SLC2A13: variants seen among roughly 807,000 people sequenced by gnomAD.
SLC2A13 encodes the protein solute carrier family 2 member 13, also known as proton myo-inositol cotransporter.
SLC2A13 carries 32 observed loss-of-function variants against 64.4 expected under a neutral mutation model. The observed-to-expected ratio is 0.50, with a 90% CI of 0.37 to 0.67. SLC2A13 has a LOEUF of 0.67. SLC2A13 is among the 30% of genes least tolerant of loss of function. The pLI is 0.00. For missense variants in SLC2A13, 743 were observed against 829.2 expected, an observed-to-expected ratio of 0.90 and a Z score of 1.28; for synonymous variants, 338 against 327.1, an observed-to-expected ratio of 1.03 and a Z score of -0.36.
chr12:39,937,933 AC>A (rs776176997), intron 4 of SLC2A13, among the ~76,000 whole-genome samples: 16 of 152,318 alleles, frequency 1.1e-4, no homozygotes, highest in Admixed American at 3.3e-4. Context: ...TATAACATGT[AC>A]AAGCTAGAAG....
At chr12:39,874,368 C>A (rs1944127573) in intron 4 of SLC2A13, among the ~76,000 whole-genome samples, 1 of 152,084 alleles carries the variant, frequency 6.6e-6, no homozygotes, top group Non-Finnish European at 1.5e-5. Context: ...AATCCCAGCA[C>A]TTTGGGAGGC....
At chr12:39,826,854 ATTTT>A (rs63699664) in intron 7 of SLC2A13, among the ~76,000 whole-genome samples, 7 of 67,414 alleles carry the variant, frequency 1.0e-4, no homozygotes, top group African/African-American at 4.2e-4. Flanking sequence ...GTCTCTTTCA[ATTTT>A]TTTTTTTTTT....
chr12:40,098,411 T>A (rs1339311335), intron 1 of SLC2A13, among the ~76,000 whole-genome samples: 2 of 152,230 alleles, frequency 1.3e-5, no homozygotes, highest in Non-Finnish European at 2.9e-5. Flanking sequence ...TCTAGAGATG[T>A]GTTGTGCAAC....
chr12:39,968,285 A>G (rs551515782), intron 3 of SLC2A13, among the ~76,000 whole-genome samples: 1 of 152,108 alleles, frequency 6.6e-6, no homozygotes, highest in East Asian at 1.9e-4. Context: ...CCCTTATTAA[A>G]CCATCAGATC....
chr12:39,933,087 G>A lies in SLC2A13; in HGVS notation c.1034+18170C>T, dbSNP rs549073227. 1.4e-4 allele frequency among the ~76,000 whole-genome samples: 22 copies of A among 152,232 alleles called. No individual in the cohort carries two copies. In the South Asian group the frequency reaches 4.6e-3, roughly 32 times the overall value. ...CCAAAAAAAATACAAAAATTAGCCA[G>A]TCGTGGGGGCATGTGCCTGTAATCT... On this transcript the variant is annotated intron_variant, in intron 4 of 9. Transcript: ENST00000280871.
At chr12:39,784,951 G>A (rs1469970778) in intron 7 of SLC2A13, among the ~76,000 whole-genome samples, 4 of 152,158 alleles carry the variant, frequency 2.6e-5, no homozygotes, top group East Asian at 1.9e-4. Flanking sequence ...CATTCAAAAA[G>A]TGACTTGGGT....
chr12:39,780,580 C>G (rs912534855), intron 7 of SLC2A13, among the ~76,000 whole-genome samples: 4 of 152,140 alleles, frequency 2.6e-5, no homozygotes, highest in African/African-American at 9.7e-5. Context: ...ATCCATTTGG[C>G]CCCAAAAGCT....
chr12:39,973,767 G>A (rs1386700539), intron 3 of SLC2A13, among the ~76,000 whole-genome samples: 1 of 152,114 alleles, frequency 6.6e-6, no homozygotes, highest in Non-Finnish European at 1.5e-5. Flanking sequence ...AGCACTTACT[G>A]CTATCAGAGG....
At chr12:40,089,570 G>A (rs1345199724) in intron 1 of SLC2A13, among the ~76,000 whole-genome samples, 1 of 152,122 alleles carries the variant, frequency 6.6e-6, no homozygotes, top group East Asian at 1.9e-4. Context: ...ATACAAGGAA[G>A]ACTTCTTCAT....
chr12:40,105,730 G>A lies in SLC2A13; in HGVS notation c.79C>T (p.Gln27Ter). 6.7e-7 allele frequency: 1 copy of A among 1,482,600 alleles called. No individual in the cohort carries two copies. The highest frequency in any genetic ancestry group is 9.0e-7 in the Non-Finnish European group (1 of 1,117,004). The allele number at this position is 1,482,600 out of a possible 1,614,324, so 91.8% of individuals were successfully genotyped here. The change falls in exon 1 of 10, where the codon CAG becomes TAG. Residue 27 changes from glutamine to a stop codon, truncating the protein, a stop_gained. Coordinates refer to ENST00000280871, the MANE Select transcript of SLC2A13 (RefSeq NM_052885.4). LOFTEE classifies it high-confidence loss of function. This position sits in a 1 kb window ranked among gnomAD's most constrained non-coding sequence, Gnocchi z 4.2. ...GCGCTCGCCGCGTCCGGCTCCGGCTGCTTCCTGCGCCGCTCGCCCATCAGG... is the reference window on the plus strand; with the variant it reads ...GCGCTCGCCGCGTCCGGCTCCGGCTACTTCCTGCGCCGCTCGCCCATCAGG... ...SSLMGERRRK[Q>*]PEPDAASAAG...
intron 6 of SLC2A13, among the ~76,000 whole-genome samples, chr12:39,853,192 T>C (rs1032417686): frequency 7.2e-5 from 11 of 152,204 alleles, no homozygotes; most frequent in Non-Finnish European, 1.5e-4. Context: ...GGTGTTGACT[T>C]GCAAGCAACT....
At chr12:39,794,389 T>A (rs1011572366) in intron 7 of SLC2A13, among the ~76,000 whole-genome samples, 4 of 152,204 alleles carry the variant, frequency 2.6e-5, no homozygotes, top group Non-Finnish European at 5.9e-5. Context: ...TATTGTTAAA[T>A]TACATTTGGC....
At chr12:39,812,796 T>C (rs573590398) in intron 7 of SLC2A13, among the ~76,000 whole-genome samples, 3 of 148,758 alleles carry the variant, frequency 2.0e-5, no homozygotes, top group South Asian at 2.2e-4. Flanking sequence ...CATATGACTT[T>C]AGGGGGTGGG....
Position 39,864,915 on chromosome 12 carries a change from G to C in SLC2A13, c.1199-33C>G. 5 of 1,583,450 alleles carry C rather than the reference G, an allele frequency of 3.2e-6. No individual in the cohort carries two copies. The South Asian group carries it at 5.9e-5, about 19-fold the overall frequency. On this transcript the variant is annotated intron_variant, in intron 5 of 9. Transcript: ENST00000280871. ...AAAAAAAGTTTTATATTAGAGAAGAGTTGACAATATTGTTTTAAGGCAGAC... is the reference window on the plus strand; with the variant it reads ...AAAAAAAGTTTTATATTAGAGAAGACTTGACAATATTGTTTTAAGGCAGAC...
chr12:39,760,355 T>C (rs1940089366), intron 9 of SLC2A13, 103 bp from the exon 10 acceptor site: 2 of 1,039,198 alleles, frequency 1.9e-6, no homozygotes, highest in East Asian at 5.2e-5. Flanking sequence ...CAGTCATGCA[T>C]AATCACAGTA....
At position 39,865,388 on chromosome 12, in the gene SLC2A13, G is replaced by A. The variant is rs1205369878; in HGVS notation, c.1199-506C>T. Among the ~76,000 whole-genome samples the A allele has an allele frequency of 3.9e-5, 6 of 152,252 alleles. No individual in the cohort carries two copies. The South Asian group carries it at 1.0e-3, about 26-fold the overall frequency. ...ATTTCTAAAGCAGTTGAAAGAGCAT[G>A]TTTTATTAAAATGGAGTAGCATTTT... On this transcript the variant is annotated intron_variant, in intron 5 of 9. Transcript: ENST00000280871.
chr12:39,840,561 C>T (rs1484451338), intron 6 of SLC2A13, among the ~76,000 whole-genome samples: 1 of 151,976 alleles, frequency 6.6e-6, no homozygotes, highest in Non-Finnish European at 1.5e-5. Context: ...ATGACATGCT[C>T]TCATGCTTTT....
intron 4 of SLC2A13, among the ~76,000 whole-genome samples, chr12:39,933,063 CA>C (rs146869538): frequency 1.3e-5 from 2 of 150,934 alleles, no homozygotes; most frequent in African/African-American, 2.4e-5. Flanking sequence ...CTGTCTCTAC[CA>C]AAAAAAATAC....
chr12:40,013,865 G>C (rs1947574266), intron 3 of SLC2A13, among the ~76,000 whole-genome samples: 1 of 152,118 alleles, frequency 6.6e-6, no homozygotes, highest in African/African-American at 2.4e-5. Context: ...TAAATACTTG[G>C]GGGGAAAAGT....
Sources: gnomAD v4.1 joint callset for allele counts (sites outside exome capture counted in the v4.1 genomes callset) on GRCh38, gnomAD v4.1.1 for gene constraint, Gnocchi (gnomAD v3.1) non-coding constraint, MANE v1.5 for transcripts, NCBI Gene and HGNC (gene_info 2026-07-23, HGNC 2026-07-21) for gene names.